HMCN1: variants seen among roughly 807,000 people sequenced by gnomAD.
HMCN1 encodes the protein hemicentin-1.
HMCN1 carries 321 observed loss-of-function variants against 625.9 expected under a neutral mutation model. That is an observed-to-expected ratio of 0.51 (90% CI 0.47 to 0.56). HMCN1 has a LOEUF of 0.56. Ranked by LOEUF, HMCN1 falls within the 20% of genes least tolerant of loss-of-function variation. The pLI is 0.00. For missense variants in HMCN1, 6,588 were observed against 6,887.3 expected (o/e 0.96, Z 1.54); for synonymous variants, 2,425 against 2,417.6 (o/e 1.00, Z -0.09).
At chr1:185,760,102 T>A (rs932307999) in intron 1 of HMCN1, among the ~76,000 whole-genome samples, 1 of 152,168 alleles carries the variant, frequency 6.6e-6, no homozygotes, top group Non-Finnish European at 1.5e-5. Flanking sequence ...CTAGTGGGGA[T>A]AGGATATGGA....
At position 185,963,907 on chromosome 1, in the gene HMCN1, C is replaced by A. The variant is rs776336811; in HGVS notation, c.2098+12C>A. ...TCTCAGATACATTGGCAAGTATAAT[C>A]ACTTTAAAAGGCAATTAAAATAGGA... is the stretch of plus-strand genomic sequence containing the variant. On this transcript the variant is annotated intron_variant, in intron 13 of 106. Transcript: ENST00000271588. The A allele has an allele frequency of 6.2e-5, 99 of 1,608,658 alleles. No individual in the cohort carries two copies. The highest frequency in any genetic ancestry group is 8.0e-5 in the Non-Finnish European group (94 of 1,175,600).
intron 1 of HMCN1, among the ~76,000 whole-genome samples, chr1:185,745,476 C>T (rs1314455459): frequency 1.3e-5 from 2 of 152,166 alleles, no homozygotes; most frequent in African/African-American, 4.8e-5. Context: ...GAATATGTAA[C>T]CTCATGCACT....
chr1:185,892,414 G>A (rs1665165412), intron 4 of HMCN1, among the ~76,000 whole-genome samples: 3 of 151,686 alleles, frequency 2.0e-5, no homozygotes, highest in Admixed American at 2.0e-4. Flanking sequence ...CAGTTTTTCT[G>A]TTCTGTTTTT....
chr1:186,147,479 A>G (rs1650391007), intron 93 of HMCN1, among the ~76,000 whole-genome samples: 1 of 151,572 alleles, frequency 6.6e-6, no homozygotes, highest in African/African-American at 2.4e-5. Context: ...AATCATCATG[A>G]AAAAATGTTT....
chr1:185,950,597 G>A (rs1346369643), intron 11 of HMCN1, among the ~76,000 whole-genome samples: 3 of 151,888 alleles, frequency 2.0e-5, no homozygotes, highest in African/African-American at 4.9e-5. Context: ...GAATTATGCC[G>A]AGATAGGTAA....
chr1:186,011,512 T>G (rs1116146), intron 30 of HMCN1, among the ~76,000 whole-genome samples: 2,476 of 152,340 alleles, frequency 0.016, 23 homozygotes, highest in Middle Eastern at 0.041. Context: ...CTCTTGATAT[T>G]TGACTGCCAA....
intron 1 of HMCN1, among the ~76,000 whole-genome samples, chr1:185,837,623 T>G (rs1014940188): frequency 6.6e-6 from 1 of 152,168 alleles, no homozygotes; most frequent in African/African-American, 2.4e-5. Context: ...TATTTTTATA[T>G]CGATCTGATA....
chr1:185,980,494 G>C (rs11799929), intron 16 of HMCN1, among the ~76,000 whole-genome samples: 4,686 of 152,218 alleles, frequency 0.031, 253 homozygotes, highest in African/African-American at 0.11. Flanking sequence ...TGCGAATCTG[G>C]CCCATGTTTC....
chr1:186,133,041 T>C (rs957424968), intron 86 of HMCN1, among the ~76,000 whole-genome samples: 8 of 152,188 alleles, frequency 5.3e-5, no homozygotes, highest in African/African-American at 1.9e-4. Flanking sequence ...CAGTCTATCA[T>C]TGTTGGACAT....
chr1:186,151,114 A>T, intron 93 of HMCN1, 86 bp from the exon 94 acceptor site: 1 of 1,297,454 alleles, frequency 7.7e-7, no homozygotes, highest in Non-Finnish European at 1.1e-6. Context: ...GATTTGTAGC[A>T]TCTCTGAATA....
chr1:186,138,224 C>T lies in HMCN1; in HGVS notation c.13924+252C>T, dbSNP rs141356552. 9.2e-3 allele frequency among the ~76,000 whole-genome samples: 1,404 copies of T among 152,204 alleles called. 13 individuals carry two copies. Among genetic ancestry groups the T allele is most frequent in the South Asian group, 0.028 (133 of 4,822 alleles). On this transcript the variant is annotated intron_variant, in intron 89 of 106. Transcript: ENST00000271588. ...AGGGTCCAAACTGGAGTGTATTTCT[C>T]AATCACGTAAAGAAAACATAAGTAT... is the stretch of plus-strand genomic sequence containing the variant.
chr1:185,928,766 G>T, intron 10 of HMCN1, 99 bp downstream of exon 10: 90 of 1,266,976 alleles, frequency 7.1e-5, no homozygotes, highest in East Asian at 2.9e-4. Flanking sequence ...TTGTCTTTGC[G>T]ATTATTTTAT....
At chr1:186,074,547 T>C (rs1341122742) in intron 52 of HMCN1, among the ~76,000 whole-genome samples, 194 bp from the exon 53 acceptor site, 1 of 152,088 alleles carries the variant, frequency 6.6e-6, no homozygotes, top group Non-Finnish European at 1.5e-5. Context: ...TTTCAATAAA[T>C]AAAAATTTGA....
At chr1:186,082,708 A>G (rs1219778776) in intron 56 of HMCN1, among the ~76,000 whole-genome samples, 157 bp from the exon 57 acceptor site, 4 of 152,130 alleles carry the variant, frequency 2.6e-5, no homozygotes, top group Admixed American at 1.3e-4. Flanking sequence ...TATTTGATTT[A>G]CCTAATAAAA....
intron 98 of HMCN1, 58 bp downstream of exon 98, chr1:186,165,231 C>T (rs1285472294): frequency 1.4e-5 from 19 of 1,403,858 alleles, no homozygotes; most frequent in Non-Finnish European, 4.0e-6. Flanking sequence ...TATTGGATAG[C>T]ATTTAATGGG....
chr1:186,094,882 T>C (rs1241508171), intron 67 of HMCN1, among the ~76,000 whole-genome samples: 1 of 152,176 alleles, frequency 6.6e-6, no homozygotes, highest in African/African-American at 2.4e-5. Context: ...TGACTTACCC[T>C]ATAACTTGAT....
chr1:186,172,234 A>G (rs1652279837), intron 102 of HMCN1, 103 bp downstream of exon 102: 16 of 1,497,488 alleles, frequency 1.1e-5, no homozygotes, highest in Non-Finnish European at 3.7e-6. Context: ...TAAGCTAACA[A>G]GGAAATCTTT....
chr1:185,751,575 T>C (rs1654818040), intron 1 of HMCN1, among the ~76,000 whole-genome samples: 1 of 152,180 alleles, frequency 6.6e-6, no homozygotes, highest in African/African-American at 2.4e-5. Context: ...TTCTTGTCTT[T>C]CAGATATTTC....
At chr1:185,808,166 C>T (rs113668856) in intron 1 of HMCN1, among the ~76,000 whole-genome samples, 21 of 151,764 alleles carry the variant, frequency 1.4e-4, no homozygotes, top group Admixed American at 3.3e-4. Flanking sequence ...ACCAATATGG[C>T]GAAACGCTGT....
Sources: gnomAD v4.1 joint callset for allele counts (sites outside exome capture counted in the v4.1 genomes callset) on GRCh38, gnomAD v4.1.1 for gene constraint, MANE v1.5 for transcripts, NCBI Gene and HGNC (gene_info 2026-07-23, HGNC 2026-07-21) for gene names.